TMC1: variants seen among roughly 807,000 people sequenced by gnomAD.
TMC1 encodes the protein transmembrane channel like 1.
TMC1 carries 84 observed loss-of-function variants against 105.8 expected under a neutral mutation model. The observed-to-expected ratio is 0.79, with a 90% CI of 0.67 to 0.95. The LOEUF (loss-of-function observed/expected upper bound fraction) is 0.95, where lower values mean the gene tolerates loss of function less well. Ranked by LOEUF, TMC1 falls within the 40% of genes least tolerant of loss-of-function variation. The pLI is 0.00. For missense variants in TMC1, 817 were observed against 914.1 expected (o/e 0.89, Z 1.37); for synonymous variants, 315 against 311.5 (o/e 1.01, Z -0.12).
At chr9:72,673,209 T>A (rs2132170403) in intron 5 of TMC1, among the ~76,000 whole-genome samples, 1 of 152,268 alleles carries the variant, frequency 6.6e-6, no homozygotes, top group East Asian at 1.9e-4. Context: ...AACAGCAGTA[T>A]TTAGAGGAAA....
chr9:72,662,197 T>C (rs938735575), intron 5 of TMC1, among the ~76,000 whole-genome samples: 2 of 151,566 alleles, frequency 1.3e-5, no homozygotes, highest in Non-Finnish European at 2.9e-5. Context: ...TTTTCTTTTT[T>C]TTTTTTTGAG....
At position 72,812,933 on chromosome 9, in the gene TMC1, T is replaced by C. The variant is rs116771779; in HGVS notation, c.1696-3210T>C. ...AAGTGAGCACCATATGTCTTCCCTC[T>C]GGGTGGATGACTGACTTAGCACATC... On this transcript the variant is annotated intron_variant, in intron 18 of 23. Transcript: ENST00000297784. Among the ~76,000 whole-genome samples, 1,320 of 152,362 alleles carry C rather than the reference T, an allele frequency of 8.7e-3. 17 individuals carry two copies. Among genetic ancestry groups the C allele is most frequent in the African/African-American group, 0.03 (1,257 of 41,588 alleles).
chr9:72,653,966 A>G (rs948487076), intron 5 of TMC1, among the ~76,000 whole-genome samples: 3 of 152,086 alleles, frequency 2.0e-5, no homozygotes, highest in African/African-American at 7.2e-5. Flanking sequence ...GTGTATCAAT[A>G]ATTTGTTTCT....
intron 1 of TMC1, among the ~76,000 whole-genome samples, chr9:72,542,271 G>A (rs1325750234): frequency 6.6e-6 from 1 of 152,100 alleles, no homozygotes; most frequent in African/African-American, 2.4e-5. Context: ...GACCATCCTG[G>A]CTAACATGGT....
In TMC1 at chr9:72,572,279, C is replaced by CCCTGCCTCCCAGGTGCAAGCAATTCT. The variant is rs1214900280; in HGVS notation, c.-427-5615_-427-5590dup. ...TGGCGTGATCTCGGCTCACTGCATC[C>CCCTGCCTCCCAGGTGCAAGCAATTCT]CCTGCCTCCCAGGTGCAAGCAATTC... On this transcript the variant is annotated intron_variant, in intron 1 of 23. Transcript: ENST00000297784. Among the ~76,000 whole-genome samples, 10 of 152,102 alleles carry CCCTGCCTCCCAGGTGCAAGCAATTCT rather than the reference C, an allele frequency of 6.6e-5. No individual in the cohort carries two copies. In the East Asian group the frequency reaches 1.2e-3, roughly 18 times the overall value.
intron 5 of TMC1, among the ~76,000 whole-genome samples, chr9:72,673,820 C>T (rs1444215635): frequency 2.0e-5 from 3 of 152,056 alleles, no homozygotes; most frequent in African/African-American, 7.2e-5. Flanking sequence ...TGACTGTTTC[C>T]CTAGAGAATT....
chr9:72,833,119 C>G (rs995060157), intron 23 of TMC1, among the ~76,000 whole-genome samples: 2 of 151,644 alleles, frequency 1.3e-5, no homozygotes, highest in Non-Finnish European at 2.9e-5. Context: ...TACTCTTGCC[C>G]CAGTCTTTCT....
rs547789882 is a variant in TMC1 at position 72,546,946 on chromosome 9, G to T, written c.-428+25033G>T. 1.8e-4 allele frequency among the ~76,000 whole-genome samples: 28 copies of T among 152,224 alleles called. No individual in the cohort carries two copies. In the South Asian group the frequency reaches 5.8e-3, roughly 32 times the overall value. ...TTGTGTGTGGGAAAGCCTTTTCATT[G>T]TTATACTTACAATCTTCAGCATGGT... On this transcript the variant is annotated intron_variant, in intron 1 of 23. Coordinates refer to ENST00000297784, the MANE Select transcript of TMC1 (RefSeq NM_138691.3).
At chr9:72,679,586 C>T (rs1270270266) in intron 5 of TMC1, among the ~76,000 whole-genome samples, 2 of 152,032 alleles carry the variant, frequency 1.3e-5, no homozygotes, top group Non-Finnish European at 2.9e-5. Flanking sequence ...GCACTACTGG[C>T]AGATTTGGTG....
At chr9:72,797,819 A>G (rs1828398332) in intron 17 of TMC1, among the ~76,000 whole-genome samples, 1 of 152,208 alleles carries the variant, frequency 6.6e-6, no homozygotes, top group Non-Finnish European at 1.5e-5. Flanking sequence ...CAAAGATTTC[A>G]TGACAAAAAT....
chr9:72,833,265 T>C (rs934992713), intron 23 of TMC1, among the ~76,000 whole-genome samples: 6 of 152,228 alleles, frequency 3.9e-5, no homozygotes, highest in Non-Finnish European at 7.3e-5. Flanking sequence ...TCAGGATTCA[T>C]AATTCATAAT....
chr9:72,802,004 C>T (rs1006949008), intron 17 of TMC1, among the ~76,000 whole-genome samples: 3 of 152,070 alleles, frequency 2.0e-5, no homozygotes, highest in Admixed American at 2.0e-4. Flanking sequence ...TGTTTTCTTA[C>T]CTGAGGAAGT....
intron 1 of TMC1, among the ~76,000 whole-genome samples, chr9:72,544,287 A>C: frequency 6.6e-6 from 1 of 151,678 alleles, no homozygotes. Flanking sequence ...ATAAAGTTTA[A>C]ATTCATGTCC....
chr9:72,660,452 C>T (rs527351310), intron 5 of TMC1, among the ~76,000 whole-genome samples: 3 of 152,046 alleles, frequency 2.0e-5, no homozygotes, highest in Non-Finnish European at 4.4e-5. Context: ...AAAAAAATAA[C>T]CTTTTATTTT....
chr9:72,699,251 C>T (rs1468215876), intron 7 of TMC1, among the ~76,000 whole-genome samples: 1 of 152,058 alleles, frequency 6.6e-6, no homozygotes, highest in Admixed American at 6.5e-5. Flanking sequence ...ATACTAGGAA[C>T]ACAGAAAAGA....
At chr9:72,721,906 C>T (rs141499282) in intron 8 of TMC1, among the ~76,000 whole-genome samples, 1 of 152,208 alleles carries the variant, frequency 6.6e-6, no homozygotes, top group East Asian at 1.9e-4. Flanking sequence ...ATGTTCAAAC[C>T]CTTCAATGTC....
At chr9:72,543,893 C>T (rs1161218796) in intron 1 of TMC1, among the ~76,000 whole-genome samples, 1 of 151,958 alleles carries the variant, frequency 6.6e-6, no homozygotes, top group Non-Finnish European at 1.5e-5. Flanking sequence ...TGTGCCACCA[C>T]ACCCAGTGAC....
intron 5 of TMC1, among the ~76,000 whole-genome samples, chr9:72,682,941 C>T (rs899909654): frequency 5.7e-4 from 87 of 152,182 alleles, no homozygotes; most frequent in African/African-American, 2.0e-3. Context: ...CCTACATGGC[C>T]GGAGCAGGAG....
intron 8 of TMC1, among the ~76,000 whole-genome samples, chr9:72,727,040 C>T (rs1827136850): frequency 6.6e-6 from 1 of 152,134 alleles, no homozygotes; most frequent in Non-Finnish European, 1.5e-5. Flanking sequence ...GATGGCCTTG[C>T]AAAGAGCTGA....
Sources: allele counts gnomAD v4.1 joint callset (sites outside exome capture counted in the v4.1 genomes callset), GRCh38; gene constraint gnomAD v4.1.1; transcripts MANE v1.5; gene names NCBI Gene and HGNC (gene_info 2026-07-23, HGNC 2026-07-21).